Variants in LRCH3 observed in about 807,000 individuals in gnomAD.
LRCH3 encodes leucine rich repeats and calponin homology domain containing 3.
A neutral mutation model predicts 104.5 loss-of-function variants in LRCH3; 68 were observed. The observed-to-expected ratio is 0.65, with a 90% confidence interval of 0.54 to 0.80. The LOEUF is 0.80. Ranked by LOEUF, LRCH3 falls within the 30% of genes least tolerant of loss-of-function variation. LRCH3 has a pLI of 0.00. For missense variants in LRCH3, 951 were observed against 953.9 expected (o/e 1.00, Z 0.04); for synonymous variants, 344 against 361.3 (o/e 0.95, Z 0.54).
chr3:197,801,186 A>C (rs1279705142), intron 1 of LRCH3, among the ~76,000 whole-genome samples: 2 of 152,198 alleles, frequency 1.3e-5, no homozygotes, highest in African/African-American at 4.8e-5. Context: ...TGAAGTGTGA[A>C]GCATAATATA....
chr3:197,831,370 AG>A, intron 7 of LRCH3: 1 of 152,432 alleles, frequency 6.6e-6, no homozygotes, highest in South Asian at 2.1e-4. Flanking sequence ...GAAGAAAAAA[AG>A]TAAAAAAATA....
intron 1 of LRCH3, among the ~76,000 whole-genome samples, chr3:197,797,859 C>CA (rs749696923): frequency 0.025 from 580 of 23,144 alleles, 10 homozygotes; most frequent in African/African-American, 0.044. Context: ...GACTCCATCT[C>CA]AAAAAAAAAA....
intron 4 of LRCH3, among the ~76,000 whole-genome samples, chr3:197,824,302 A>T (rs1412217746): frequency 1.3e-5 from 2 of 148,772 alleles, no homozygotes; most frequent in East Asian, 4.0e-4. Flanking sequence ...TGACCTCGTG[A>T]TCCACCCGCC....
intron 12 of LRCH3, 194 bp downstream of exon 12, chr3:197,848,215 G>A (rs1042760050): frequency 9.8e-5 from 54 of 552,474 alleles, no homozygotes; most frequent in African/African-American, 8.3e-4. Flanking sequence ...TCTTGTTAAC[G>A]GTAAATCTGT....
At chr3:197,797,327 CAAAAAAA>C in intron 1 of LRCH3, among the ~76,000 whole-genome samples, 1 of 71,540 alleles carries the variant, frequency 1.4e-5, no homozygotes, top group East Asian at 5.0e-4. Context: ...AACTCCATCT[CAAAAAAA>C]AAAAAAAAAA....
chr3:197,857,927 T>C (rs111552031), intron 14 of LRCH3, among the ~76,000 whole-genome samples: 323 of 152,368 alleles, frequency 2.1e-3, no homozygotes, highest in African/African-American at 4.8e-3. Flanking sequence ...ATTGACCATA[T>C]ACATACCTTT....
intron 3 of LRCH3, 58 bp downstream of exon 3, chr3:197,817,360 G>GTGTATA: frequency 3.3e-5 from 3 of 90,010 alleles, no homozygotes; most frequent in South Asian, 5.1e-4. Flanking sequence ...GTGTGTGTGT[G>GTGTATA]TATATATATA....
chr3:197,858,896 G>A lies in LRCH3; in HGVS notation c.1707G>A (p.Thr569=), dbSNP rs759665523. Residue 569 remains threonine, a synonymous_variant, in exon 15 of 21, where the codon ACG becomes ACA. Transcript: ENST00000425562. ...CCCTGCCTCATTCTTCTGCCTTCACGCCTCTTAAGGTATCTCTTGTTATTG... is the reference window on the plus strand; with the variant it reads ...CCCTGCCTCATTCTTCTGCCTTCACACCTCTTAAGGTATCTCTTGTTATTG... ...AATLPHSSAF[T]PLKSDDRPNA... 25 of 1,612,620 alleles carry A rather than the reference G, an allele frequency of 1.6e-5. No homozygotes were observed. Among genetic ancestry groups the A allele is most frequent in the South Asian group, 1.4e-4 (13 of 91,056 alleles).
intron 20 of LRCH3, among the ~76,000 whole-genome samples, chr3:197,876,626 A>T (rs1022760055): frequency 7.9e-5 from 12 of 152,222 alleles, no homozygotes; most frequent in African/African-American, 2.9e-4. Flanking sequence ...ATACTTTTTC[A>T]TTAACCACGA....
chr3:197,859,143 C>A, intron 15 of LRCH3: 1 of 483,352 alleles, frequency 2.1e-6, no homozygotes, highest in Non-Finnish European at 3.7e-6. Context: ...ATGTGTCATT[C>A]TGATTTTTTT....
chr3:197,819,988 G>T (rs1343257147), intron 3 of LRCH3, among the ~76,000 whole-genome samples: 1 of 152,178 alleles, frequency 6.6e-6, no homozygotes, highest in East Asian at 1.9e-4. Context: ...GGGATTACAG[G>T]CATGAGCCAC....
chr3:197,822,430 T>G (rs1734599118), intron 4 of LRCH3, among the ~76,000 whole-genome samples: 1 of 152,214 alleles, frequency 6.6e-6, no homozygotes, highest in Admixed American at 6.5e-5. Flanking sequence ...ATGAGAATAT[T>G]AGGGTTTTAA....
At position 197,866,211 on chromosome 3, in the gene LRCH3, C is replaced by A. The variant is rs1741465340; in HGVS notation, c.1865C>A (p.Thr622Asn). The change falls in exon 17 of 21, where the codon ACC (threonine) becomes AAC (asparagine). Residue 622 changes from threonine to asparagine, a missense_variant. Physicochemically the swap from Thr to Asn is moderately conservative, Grantham distance 65 (BLOSUM62 0). Coordinates refer to ENST00000425562, the MANE Select transcript of LRCH3 (RefSeq NM_001365715.1). ...TTCCGAGCAGGTGTCAGGGCAGAAA[C>A]CAACAAAGGTAGGTGGTGGTGATTT... ...FLFRAGVRAE[T>N]NKGHASPLPP... 2 of 1,612,926 alleles carry A rather than the reference C, an allele frequency of 1.2e-6. 1 individual carries two copies. The highest frequency in any genetic ancestry group is 2.2e-5 in the South Asian group (2 of 91,068).
Position 197,791,641 on chromosome 3 carries a change from G to T in LRCH3, c.262+101G>T, listed in dbSNP as rs935133545. 5 of 1,334,000 alleles carry T rather than the reference G, an allele frequency of 3.7e-6. No individual in the cohort carries two copies. In the Admixed American group the frequency reaches 1.3e-4, roughly 36 times the overall value. 82.6% of individuals were successfully genotyped at this position (1,334,000 alleles called of 1,614,324 possible). On this transcript the variant is annotated intron_variant, in intron 1 of 20. Coordinates refer to ENST00000425562, the MANE Select transcript of LRCH3 (RefSeq NM_001365715.1). ...CGGGGGAGTTACAGCAGCTCGTCCCGTAGGCGCCGGGTCCGGACCCGGGTA... is the reference window on the plus strand; with the variant it reads ...CGGGGGAGTTACAGCAGCTCGTCCCTTAGGCGCCGGGTCCGGACCCGGGTA...
chr3:197,862,731 T>G (rs1478486472), intron 15 of LRCH3, among the ~76,000 whole-genome samples: 5 of 152,348 alleles, frequency 3.3e-5, no homozygotes, highest in African/African-American at 7.2e-5. Context: ...TTTACCAGTT[T>G]CTGTTACTCT....
intron 1 of LRCH3, among the ~76,000 whole-genome samples, chr3:197,813,510 ATTTTTTTTTTTTTTTTTTTTTT>A (rs57062885): frequency 3.0e-5 from 2 of 66,064 alleles, no homozygotes; most frequent in African/African-American, 9.4e-5. Flanking sequence ...GAGGCATATA[ATTTTTTTTTTTTTTTTTTTTTT>A]TTTTTTTTTT....
chr3:197,857,157 G>C (rs565602960), intron 14 of LRCH3, among the ~76,000 whole-genome samples: 65 of 141,954 alleles, frequency 4.6e-4, no homozygotes, highest in South Asian at 1.3e-3. Context: ...CACTGACATT[G>C]TCTTCGGGCT....
intron 12 of LRCH3, 177 bp from the exon 13 acceptor site, chr3:197,852,384 T>G: frequency 1.7e-6 from 1 of 605,078 alleles, no homozygotes; most frequent in Non-Finnish European, 2.9e-6. Flanking sequence ...TGTAGATATA[T>G]GTATAGTTTT....
In LRCH3 at chr3:197,880,411, A is replaced by G. The variant is rs1471294871; in HGVS notation, c.2209-3130A>G. ...AAATGTTACAGGATGTGTATATGTG[A>G]ATATGACTGAGATGATCATATGAAT... On this transcript the variant is annotated intron_variant, in intron 20 of 20. Coordinates refer to ENST00000425562, the MANE Select transcript of LRCH3 (RefSeq NM_001365715.1). 3.3e-6 allele frequency: 3 copies of G among 909,248 alleles called. No individual in the cohort carries two copies. In the Admixed American group the frequency reaches 6.2e-5, roughly 19 times the overall value. The allele number at this position is 909,248 out of a possible 1,614,324, so 56.3% of individuals were successfully genotyped here.
Sources: allele counts gnomAD v4.1 joint callset (sites outside exome capture counted in the v4.1 genomes callset), GRCh38; gene constraint gnomAD v4.1.1; transcripts MANE v1.5; gene names NCBI Gene and HGNC (gene_info 2026-07-23, HGNC 2026-07-21).